The following MTMR2 variants were observed in gnomAD, a reference collection of about 807,000 sequenced individuals.
MTMR2 encodes myotubularin related protein 2.
In MTMR2, 55 loss-of-function variants were observed where a neutral mutation model predicts 86.9. The ratio of observed to expected loss-of-function variants is 0.63; its 90% CI spans 0.51 to 0.79. The LOEUF (loss-of-function observed/expected upper bound fraction) is 0.79, where lower values mean the gene tolerates loss of function less well. MTMR2 is among the 30% of genes least tolerant of loss of function. The pLI is 0.00. For synonymous variants in MTMR2, 241 were observed against 266.8 expected, an observed-to-expected ratio of 0.90 and a Z score of 0.94; for missense variants, 659 against 772.3, an observed-to-expected ratio of 0.85 and a Z score of 1.74.
rs549763807 is a variant in MTMR2 at position 95,913,627 on chromosome 11, T to C, written c.80+10248A>G. Reference sequence around the variant, plus strand: ...CACTAATTGGTTGATCTCTAATCCCTCTAAGAGTGTGAAAAGATGATATAA... The same window carrying C: ...CACTAATTGGTTGATCTCTAATCCCCCTAAGAGTGTGAAAAGATGATATAA... On this transcript the variant is annotated intron_variant, in intron 1 of 14. Transcript: ENST00000346299. Among the ~76,000 whole-genome samples the C allele has an allele frequency of 5.3e-5, 8 of 152,112 alleles. No individual in the cohort carries two copies. In the South Asian group the frequency reaches 1.7e-3, roughly 32 times the overall value.
chr11:95,838,706 T>G (rs1863405694), intron 12 of MTMR2, among the ~76,000 whole-genome samples: 1 of 151,982 alleles, frequency 6.6e-6, no homozygotes, highest in African/African-American at 2.4e-5. Context: ...GAAATGGCAA[T>G]TACTTTTGCA....
At chr11:95,911,540 C>T (rs1866505812) in intron 1 of MTMR2, among the ~76,000 whole-genome samples, 1 of 152,148 alleles carries the variant, frequency 6.6e-6, no homozygotes, top group Admixed American at 6.6e-5. Context: ...ACAGCCTCAG[C>T]ACCCCGTTTA....
Position 95,849,664 on chromosome 11 carries a change from A to C in MTMR2, c.993+10T>G, listed in dbSNP as rs771356983. On this transcript the variant is annotated intron_variant, in intron 9 of 14. Transcript: ENST00000346299. The stretch of plus-strand genomic sequence containing the variant: ...AAACCATAATTATAATTACTAAGAG[A>C]CCATCTGACCTTGTTGGCAACAGCA... The C allele has an allele frequency of 6.3e-7, 1 of 1,589,852 alleles. No individual in the cohort carries two copies. Among genetic ancestry groups the C allele is most frequent in the Non-Finnish European group, 8.6e-7 (1 of 1,160,900 alleles).
intron 1 of MTMR2, among the ~76,000 whole-genome samples, chr11:95,894,266 C>T (rs1381810729): frequency 6.6e-6 from 1 of 152,116 alleles, no homozygotes. Context: ...ATACCTGTAA[C>T]ATTATATTGC....
At chr11:95,879,560 T>G (rs1217801617) in intron 2 of MTMR2, among the ~76,000 whole-genome samples, 3 of 152,232 alleles carry the variant, frequency 2.0e-5, no homozygotes, top group South Asian at 4.1e-4. Context: ...CTTCATTCTT[T>G]CCATTTGACC....
At position 95,865,616 on chromosome 11, in the gene MTMR2, T is replaced by C. The variant is rs761502860; in HGVS notation, c.247A>G (p.Asn83Asp). 1 of 1,613,770 alleles carries C rather than the reference T, an allele frequency of 6.2e-7. No homozygotes were observed. Among genetic ancestry groups the C allele is most frequent in the South Asian group, 1.1e-5 (1 of 91,074 alleles). Residue 83 changes from asparagine (N) to aspartate (D), a missense_variant, in exon 3 of 15, where the codon AAT becomes GAT. By Grantham distance (23) the Asn-to-Asp change is conservative. Around this residue, in one of 3 missense-constraint regions of MTMR2, gnomAD observed 387 missense variants for 526.3 expected, o/e 0.74. Transcript: ENST00000346299. ...CATTACGGACCCATGTCTTTAATAT[T>C]TTCTCCTGGAAGCAAGGGTGGTTCT... ...MEEPPLLPGENIKDMAKDVTY... is the reference protein window; with the variant it reads ...MEEPPLLPGEDIKDMAKDVTY...
intron 9 of MTMR2, among the ~76,000 whole-genome samples, 197 bp downstream of exon 9, chr11:95,849,477 C>A (rs1206430926): frequency 6.6e-6 from 1 of 152,112 alleles, no homozygotes; most frequent in Non-Finnish European, 1.5e-5. Context: ...TTATTATTCT[C>A]ATTTTTACCA....
chr11:95,857,648 A>G lies in MTMR2; in HGVS notation c.571-13T>C. On this transcript the variant is annotated splice_polypyrimidine_tract_variant and intron_variant, in intron 6 of 14. Coordinates refer to ENST00000346299, the MANE Select transcript of MTMR2 (RefSeq NM_016156.6). Reference sequence around the variant, plus strand: ...AAGCAAAAAGAGGCTACAAAAAAGTAAACAATGGTAAGAGCTAAAAAAGAT... The same window carrying G: ...AAGCAAAAAGAGGCTACAAAAAAGTGAACAATGGTAAGAGCTAAAAAAGAT... 1 of 1,518,888 alleles carries G rather than the reference A, an allele frequency of 6.6e-7. No individual in the cohort carries two copies. The highest frequency in any genetic ancestry group is 2.3e-5 in the East Asian group (1 of 44,372). 94.1% of individuals were successfully genotyped at this position (1,518,888 alleles called of 1,614,324 possible). A position where few individuals can be genotyped will look rare whatever the true frequency, so the allele number is the denominator to read the frequency against.
At chr11:95,866,005 G>A (rs114681258) in intron 2 of MTMR2, among the ~76,000 whole-genome samples, 432 of 152,294 alleles carry the variant, frequency 2.8e-3, no homozygotes, top group African/African-American at 9.9e-3. Context: ...AAAAGCAGCC[G>A]AAAGTGGTAA....
At chr11:95,921,746 T>C (rs966592247) in intron 1 of MTMR2, among the ~76,000 whole-genome samples, 1 of 152,182 alleles carries the variant, frequency 6.6e-6, no homozygotes, top group Non-Finnish European at 1.5e-5. Context: ...TAATGAAAGC[T>C]GGCATTCTCT....
chr11:95,835,979 A>G (rs191152176), intron 14 of MTMR2, among the ~76,000 whole-genome samples, 169 bp downstream of exon 14: 2 of 152,166 alleles, frequency 1.3e-5, no homozygotes, highest in Non-Finnish European at 2.9e-5. Flanking sequence ...AACCAGGTAT[A>G]CTGATTACCC....
At chr11:95,867,613 C>CTTTA (rs1217886374) in intron 2 of MTMR2, among the ~76,000 whole-genome samples, 1 of 152,096 alleles carries the variant, frequency 6.6e-6, no homozygotes, top group African/African-American at 2.4e-5. Context: ...AGATGACAGA[C>CTTTA]TTTTAACAAT....
chr11:95,890,746 G>T (rs891848761), intron 1 of MTMR2, among the ~76,000 whole-genome samples: 1 of 152,166 alleles, frequency 6.6e-6, no homozygotes, highest in African/African-American at 2.4e-5. Flanking sequence ...TTCTTGTTAT[G>T]TAACATAAAT....
At chr11:95,851,638 T>A (rs1864026860) in intron 7 of MTMR2, among the ~76,000 whole-genome samples, 1 of 152,194 alleles carries the variant, frequency 6.6e-6, no homozygotes, top group African/African-American at 2.4e-5. Context: ...CAGGGTCTCA[T>A]TCAGTTTGAC....
intron 9 of MTMR2, among the ~76,000 whole-genome samples, chr11:95,848,843 A>G (rs538344532): frequency 1.3e-5 from 2 of 152,312 alleles, no homozygotes; most frequent in South Asian, 4.1e-4. Context: ...ACAGTATTTC[A>G]AGGGATACCT....
intron 1 of MTMR2, among the ~76,000 whole-genome samples, chr11:95,916,718 G>T (rs1000830452): frequency 2.0e-5 from 3 of 151,650 alleles, no homozygotes; most frequent in African/African-American, 7.3e-5. Context: ...TATTTTACAG[G>T]TAATTTTTAA....
intron 1 of MTMR2, among the ~76,000 whole-genome samples, chr11:95,891,855 G>A (rs1353372537): frequency 2.6e-5 from 4 of 151,792 alleles, no homozygotes; most frequent in African/African-American, 4.8e-5. Context: ...AGAGAGGGAG[G>A]GAGAGAGAGT....
chr11:95,876,710 C>T (rs1256648865), intron 2 of MTMR2, among the ~76,000 whole-genome samples: 2 of 152,058 alleles, frequency 1.3e-5, no homozygotes, highest in East Asian at 3.8e-4. Flanking sequence ...GTATTCCTCC[C>T]TTCCCAGCCC....
intron 1 of MTMR2, among the ~76,000 whole-genome samples, chr11:95,901,162 T>G (rs1866061224): frequency 6.6e-6 from 1 of 152,160 alleles, no homozygotes; most frequent in Non-Finnish European, 1.5e-5. Context: ...AATTCCCACA[T>G]CTTCAGTTAC....
Sources: allele counts gnomAD v4.1 joint callset (sites outside exome capture counted in the v4.1 genomes callset), GRCh38; gene constraint gnomAD v4.1.1; regional missense constraint gnomAD v4.1.1; transcripts MANE v1.5; gene names NCBI Gene and HGNC (gene_info 2026-07-23, HGNC 2026-07-21).